Variants in PTPRD observed in about 807,000 individuals in gnomAD.
PTPRD encodes the protein protein tyrosine phosphatase receptor type D, also known as receptor-type tyrosine-protein phosphatase delta.
Under a neutral mutation model 214.5 loss-of-function variants are expected in PTPRD, and 34 were observed. The observed-to-expected ratio is 0.16, with a 90% CI of 0.12 to 0.21. The LOEUF (loss-of-function observed/expected upper bound fraction) is 0.21, where lower values mean the gene tolerates loss of function less well. PTPRD is among the 10% of genes least tolerant of loss of function. PTPRD has a pLI of 1.00. For synonymous variants in PTPRD, 1,128 were observed against 845.7 expected, an observed-to-expected ratio of 1.33 and a Z score of -5.79; for missense variants, 2,545 against 2,398.7, an observed-to-expected ratio of 1.06 and a Z score of -1.27.
intron 3 of PTPRD, among the ~76,000 whole-genome samples, chr9:10,301,307 G>A (rs2095855343): frequency 6.6e-6 from 1 of 152,088 alleles, no homozygotes; most frequent in South Asian, 2.1e-4. Context: ...CACAAAGATG[G>A]GGAGAAACCA....
chr9:8,977,826 A>T (rs1414911588), intron 11 of PTPRD, among the ~76,000 whole-genome samples: 3 of 152,094 alleles, frequency 2.0e-5, no homozygotes, highest in Non-Finnish European at 4.4e-5. Context: ...GGAGATATTT[A>T]GGGCTGGGAA....
At chr9:9,681,793 T>C (rs1054629045) in intron 7 of PTPRD, among the ~76,000 whole-genome samples, 1 of 151,810 alleles carries the variant, frequency 6.6e-6, no homozygotes, top group African/African-American at 2.4e-5. Flanking sequence ...ATTGATTTCC[T>C]AGCTGGTTGT....
chr9:10,470,798 A>C lies in PTPRD; in HGVS notation c.-599-129781T>G, dbSNP rs546296481. 5.3e-5 allele frequency among the ~76,000 whole-genome samples: 8 copies of C among 152,306 alleles called. No homozygotes were observed. The South Asian group carries it at 1.7e-3, about 32-fold the overall frequency. ...TAGACTATCTTTAGTATCAGTTCTC[A>C]AAAGGAAACAGGAGTGGTGGAGGGT... On this transcript the variant is annotated intron_variant, in intron 2 of 45. Transcript: ENST00000381196.
At chr9:9,644,075 G>A (rs1385266488) in intron 7 of PTPRD, among the ~76,000 whole-genome samples, 2 of 151,956 alleles carry the variant, frequency 1.3e-5, no homozygotes, top group African/African-American at 4.8e-5. Context: ...TTTTTTTTCT[G>A]TACAACTATA....
chr9:8,391,279 G>T (rs1238652539), intron 36 of PTPRD, among the ~76,000 whole-genome samples: 1 of 152,146 alleles, frequency 6.6e-6, no homozygotes, highest in African/African-American at 2.4e-5. Context: ...ATGAAAATCA[G>T]ATGGAAACTA....
At chr9:9,308,568 C>T (rs1484614976) in intron 9 of PTPRD, among the ~76,000 whole-genome samples, 2 of 152,066 alleles carry the variant, frequency 1.3e-5, no homozygotes, top group Middle Eastern at 3.2e-3. Context: ...TGGAATAGAG[C>T]CAACCTATTA....
intron 9 of PTPRD, among the ~76,000 whole-genome samples, chr9:9,214,881 G>A (rs1015774521): frequency 6.6e-6 from 1 of 152,130 alleles, no homozygotes; most frequent in South Asian, 2.1e-4. Context: ...AGGAATTAAA[G>A]CCCAGAGATG....
intron 11 of PTPRD, among the ~76,000 whole-genome samples, chr9:8,803,307 A>G (rs1190796364): frequency 6.6e-6 from 1 of 152,124 alleles, no homozygotes; most frequent in African/African-American, 2.4e-5. Context: ...TGTATACCAT[A>G]ATTATTAGGC....
At chr9:9,192,102 T>C (rs2099935598) in intron 9 of PTPRD, among the ~76,000 whole-genome samples, 1 of 151,962 alleles carries the variant, frequency 6.6e-6, no homozygotes, top group Non-Finnish European at 1.5e-5. Context: ...TTTTGAGTCA[T>C]CTGAATCTAA....
At chr9:8,841,166 T>C (rs2097550103) in intron 11 of PTPRD, among the ~76,000 whole-genome samples, 1 of 152,166 alleles carries the variant, frequency 6.6e-6, no homozygotes, top group South Asian at 2.1e-4. Context: ...GATCTGTAAT[T>C]ACAAGAAGGA....
intron 36 of PTPRD, among the ~76,000 whole-genome samples, chr9:8,401,021 C>G (rs142199880): frequency 0.023 from 3,523 of 152,156 alleles, 66 homozygotes; most frequent in Non-Finnish European, 0.036. Flanking sequence ...TTTTCTTTTC[C>G]TCATAAAAAC....
intron 3 of PTPRD, among the ~76,000 whole-genome samples, chr9:10,122,846 T>C (rs967591910): frequency 6.6e-6 from 1 of 152,170 alleles, no homozygotes; most frequent in Non-Finnish European, 1.5e-5. Flanking sequence ...CCACAGTGAT[T>C]ATACAGCAGT....
At chr9:9,657,270 C>G (rs1181495995) in intron 7 of PTPRD, among the ~76,000 whole-genome samples, 4 of 150,620 alleles carry the variant, frequency 2.7e-5, no homozygotes, top group Admixed American at 2.6e-4. Context: ...AAATACTATG[C>G]AGCCATAAAA....
chr9:9,714,063 C>G (rs1345968565), intron 7 of PTPRD, among the ~76,000 whole-genome samples: 2 of 135,358 alleles, frequency 1.5e-5, no homozygotes, highest in Non-Finnish European at 3.1e-5. Flanking sequence ...CCCAGTACAT[C>G]TTTTACAAGA....
chr9:9,295,280 T>C (rs1229582409), intron 9 of PTPRD, among the ~76,000 whole-genome samples: 1 of 151,788 alleles, frequency 6.6e-6, no homozygotes, highest in Non-Finnish European at 1.5e-5. Context: ...GGTAAAATTA[T>C]ATCAGAAGTA....
chr9:10,069,713 C>A (rs1253269121), intron 3 of PTPRD, among the ~76,000 whole-genome samples: 4 of 151,868 alleles, frequency 2.6e-5, no homozygotes, highest in Admixed American at 6.6e-5. Context: ...AGTAATGACT[C>A]ATATTCTTAG....
intron 4 of PTPRD, among the ~76,000 whole-genome samples, chr9:9,940,117 T>G (rs944434617): frequency 4.6e-5 from 7 of 152,006 alleles, no homozygotes; most frequent in African/African-American, 1.5e-4. Flanking sequence ...TATGATGGAG[T>G]TGATACCATC....
Position 10,342,956 on chromosome 9 carries a change from C to T in PTPRD, c.-599-1939G>A, listed in dbSNP as rs540982588. Among the ~76,000 whole-genome samples, 312 of 152,132 alleles carry T rather than the reference C, an allele frequency of 2.1e-3. 3 individuals are homozygous for T. The highest frequency in any genetic ancestry group is 7.2e-3 in the African/African-American group (301 of 41,520). On this transcript the variant is annotated intron_variant, in intron 2 of 45. Transcript: ENST00000381196. ...ATCTTCTCCATTTAAATAGCCTGACCTCCATACCTCTTGTTTGTTACACAC... is the reference window on the plus strand; with the variant it reads ...ATCTTCTCCATTTAAATAGCCTGACTTCCATACCTCTTGTTTGTTACACAC...
At chr9:10,235,398 C>A (rs1172591737) in intron 3 of PTPRD, among the ~76,000 whole-genome samples, 3 of 151,894 alleles carry the variant, frequency 2.0e-5, no homozygotes, top group African/African-American at 7.2e-5. Context: ...ATTCCCTCGT[C>A]GCGCATCAGA....
Sources: gnomAD v4.1 joint callset for allele counts (sites outside exome capture counted in the v4.1 genomes callset) on GRCh38, gnomAD v4.1.1 for gene constraint, MANE v1.5 for transcripts, NCBI Gene and HGNC (gene_info 2026-07-23, HGNC 2026-07-21) for gene names.